Variants in EIF2AK1 observed in about 807,000 individuals in gnomAD.
The protein encoded by EIF2AK1 is eukaryotic translation initiation factor 2-alpha kinase 1.
A neutral mutation model predicts 77.9 loss-of-function variants in EIF2AK1; 54 were observed. That is an observed-to-expected ratio of 0.69 (90% CI 0.56 to 0.87). The LOEUF is 0.87. Ranked by LOEUF, EIF2AK1 falls within the 40% of genes least tolerant of loss-of-function variation. The probability of loss-of-function intolerance (pLI) is 0.00; values close to 1 mark genes in which losing one functional copy is unlikely to be tolerated. For synonymous variants in EIF2AK1, 314 were observed against 290.5 expected, an observed-to-expected ratio of 1.08 and a Z score of -0.82; for missense variants, 810 against 768.6, an observed-to-expected ratio of 1.05 and a Z score of -0.64.
chr7:6,034,436 C>A (rs779175711), intron 11 of EIF2AK1, among the ~76,000 whole-genome samples: 4 of 152,118 alleles, frequency 2.6e-5, no homozygotes, highest in Non-Finnish European at 5.9e-5. Flanking sequence ...TCTGGAAGTC[C>A]CTTCCACATC....
chr7:6,036,327 C>A lies in EIF2AK1; in HGVS notation c.1332+1097G>T. 6 of 1,540,136 alleles carry A rather than the reference C, an allele frequency of 3.9e-6. No homozygotes were observed. The highest frequency in any genetic ancestry group is 5.2e-6 in the Non-Finnish European group (6 of 1,143,500). On this transcript the variant is annotated intron_variant, in intron 11 of 14. Transcript: ENST00000199389. The surrounding 1 kb of genome is among the most constrained non-coding windows in gnomAD (Gnocchi z 4.6). Reference sequence around the variant, plus strand: ...ATACAAACAGCACTTGAAGCAATTCCTCCCAGTGACAATATGGAATTCTGT... The same window carrying A: ...ATACAAACAGCACTTGAAGCAATTCATCCCAGTGACAATATGGAATTCTGT...
chr7:6,047,284 G>C (rs575016232), intron 4 of EIF2AK1, 193 bp from the exon 5 acceptor site: 7 of 696,796 alleles, frequency 1.0e-5, no homozygotes, highest in Non-Finnish European at 1.9e-5. Context: ...TACCAGTAAC[G>C]GGTATTCCAA....
In EIF2AK1 at chr7:6,035,708, T is replaced by C. The variant is rs1182834722; in HGVS notation, c.1332+1716A>G. 1.1e-5 allele frequency: 17 copies of C among 1,550,872 alleles called. No homozygotes were observed. The highest frequency in any genetic ancestry group is 7.3e-5 in the East Asian group (3 of 40,928). On this transcript the variant is annotated intron_variant, in intron 11 of 14. Coordinates refer to ENST00000199389, the MANE Select transcript of EIF2AK1 (RefSeq NM_014413.4). This position sits in a 1 kb window ranked among gnomAD's most constrained non-coding sequence, Gnocchi z 5.5. ...CCATTTTGACCCAAAATGGTGCCGA[T>C]GTCAATGCTATTAATGAAGCCAGCA...
In EIF2AK1 at chr7:6,027,985, C is replaced by T. The variant is rs1396314344; in HGVS notation, c.1530+630G>A. 3 of 453,172 alleles carry T rather than the reference C, an allele frequency of 6.6e-6. No individual in the cohort carries two copies. The highest frequency in any genetic ancestry group is 1.3e-5 in the Non-Finnish European group (3 of 225,664). The allele number at this position is 453,172 out of a possible 1,614,324, so 28.1% of individuals were successfully genotyped here. A position where few individuals can be genotyped will look rare whatever the true frequency, so the allele number is the denominator to read the frequency against. ...GGCTGAGGTGGGAGGATCACTTGAG[C>T]CCAGGAGTTGGAGGCTGCCATGAGC... is the stretch of plus-strand genomic sequence containing the variant. On this transcript the variant is annotated intron_variant, in intron 13 of 14. Transcript: ENST00000199389. The surrounding 1 kb of genome is among the most constrained non-coding windows in gnomAD (Gnocchi z 4.5).
chr7:6,037,596 T>TATTTAGAATGA, intron 10 of EIF2AK1, 72 bp from the exon 11 acceptor site: 1 of 875,976 alleles, frequency 1.1e-6, no homozygotes, highest in Non-Finnish European at 1.9e-6. Flanking sequence ...AATATTAATG[T>TATTTAGAATGA]CATTCTAAAT....
chr7:6,055,923 A>T (rs519611), intron 1 of EIF2AK1, among the ~76,000 whole-genome samples: 1 of 144,936 alleles, frequency 6.9e-6, no homozygotes, highest in Non-Finnish European at 1.5e-5. Context: ...GCAGAGGTTG[A>T]GATGAGCTGA....
intron 11 of EIF2AK1, among the ~76,000 whole-genome samples, chr7:6,030,816 A>G (rs935344970): frequency 6.6e-6 from 1 of 152,120 alleles, no homozygotes; most frequent in Admixed American, 6.5e-5. Flanking sequence ...ATTTTTTAAA[A>G]GCTCCCAGAT....
At chr7:6,031,694 G>T in intron 11 of EIF2AK1, 14 of 1,125,314 alleles carry the variant, frequency 1.2e-5, no homozygotes, top group East Asian at 2.7e-5. Context: ...GCCCTTATGA[G>T]AATGAGACAC....
At chr7:6,052,127 G>A (rs1442602468) in intron 2 of EIF2AK1, among the ~76,000 whole-genome samples, 6 of 140,544 alleles carry the variant, frequency 4.3e-5, no homozygotes, top group Admixed American at 7.7e-5. Context: ...AGCCGAGATC[G>A]CACTACCGCA....
At chr7:6,025,675 G>A (rs146238792) in intron 14 of EIF2AK1, among the ~76,000 whole-genome samples, 110 of 152,186 alleles carry the variant, frequency 7.2e-4, no homozygotes, top group African/African-American at 2.5e-3. Flanking sequence ...TCGCTCTTTC[G>A]CCGAGGCTGG....
rs918697317 is a variant in EIF2AK1 at position 6,033,386 on chromosome 7, A to G, written c.1332+4038T>C. ...TTCTTATGAATGAACCAATGTCTTT[A>G]CTGAGTAGATGAGATACTCTGAAAA... On this transcript the variant is annotated intron_variant, in intron 11 of 14. Transcript: ENST00000199389. This position sits in a 1 kb window ranked among gnomAD's most constrained non-coding sequence, Gnocchi z 4.4. 3.9e-5 allele frequency among the ~76,000 whole-genome samples: 6 copies of G among 152,106 alleles called. No homozygotes were observed. The highest frequency in any genetic ancestry group is 1.4e-4 in the African/African-American group (6 of 41,408).
chr7:6,045,733 T>TTATATATACATA (rs1554321640), intron 6 of EIF2AK1, among the ~76,000 whole-genome samples: 1 of 138,024 alleles, frequency 7.2e-6, no homozygotes, highest in East Asian at 2.7e-4. Flanking sequence ...ATTTTAAAAA[T>TTATATATACATA]TATATATATA....
chr7:6,029,660 G>A (rs1298185737), intron 11 of EIF2AK1, among the ~76,000 whole-genome samples: 3 of 152,068 alleles, frequency 2.0e-5, no homozygotes. Flanking sequence ...AACCCTTACT[G>A]CACATCATTA....
chr7:6,037,021 A>G (rs1788119169), intron 11 of EIF2AK1, among the ~76,000 whole-genome samples: 1 of 152,092 alleles, frequency 6.6e-6, no homozygotes, highest in African/African-American at 2.4e-5. Context: ...TGAGCCCAGG[A>G]GTTCAAGATC....
chr7:6,051,100 A>C, intron 2 of EIF2AK1, among the ~76,000 whole-genome samples: 2 of 152,178 alleles, frequency 1.3e-5, no homozygotes. Flanking sequence ...AACTTACAAC[A>C]AAAGTGACCA....
At chr7:6,058,815 C>A (rs575536365) in intron 1 of EIF2AK1, 151 bp downstream of exon 1, 19 of 585,700 alleles carry the variant, frequency 3.2e-5, no homozygotes, top group East Asian at 1.4e-4. Context: ...CCGCCGCCCC[C>A]CCTCGCACTG....
At chr7:6,026,381 C>A (rs1201735501) in intron 14 of EIF2AK1, 1 of 499,410 alleles carries the variant, frequency 2.0e-6, no homozygotes, top group Non-Finnish European at 4.0e-6. Flanking sequence ...CTGCGGGCCC[C>A]TCCGGCCTTT....
At chr7:6,049,712 G>T (rs1788551546) in intron 3 of EIF2AK1, 200 bp downstream of exon 3, 3 of 449,310 alleles carry the variant, frequency 6.7e-6, no homozygotes, top group African/African-American at 2.1e-5. Flanking sequence ...CTGCAGCCTT[G>T]AACTCCTGGC....
In EIF2AK1 at chr7:6,032,731, C is replaced by A; in HGVS notation, c.1333-3699G>T. The stretch of plus-strand genomic sequence containing the variant: ...ATGCACATACCAGAAAAAGAGTGAG[C>A]CAATGAGACACTAAATAAATGTATT... On this transcript the variant is annotated intron_variant, in intron 11 of 14. Coordinates refer to ENST00000199389, the MANE Select transcript of EIF2AK1 (RefSeq NM_014413.4). This position sits in a 1 kb window ranked among gnomAD's most constrained non-coding sequence, Gnocchi z 4.3. The A allele has an allele frequency of 1.2e-6, 1 of 829,332 alleles. No individual in the cohort carries two copies. Among genetic ancestry groups the A allele is most frequent in the African/African-American group, 1.7e-5 (1 of 58,094 alleles). 51.4% of individuals were successfully genotyped at this position (829,332 alleles called of 1,614,324 possible). A position where few individuals can be genotyped will look rare whatever the true frequency, so the allele number is the denominator to read the frequency against.
Sources: allele counts gnomAD v4.1 joint callset (sites outside exome capture counted in the v4.1 genomes callset), GRCh38; gene constraint gnomAD v4.1.1; non-coding constraint Gnocchi (gnomAD v3.1); transcripts MANE v1.5; gene names NCBI Gene and HGNC (gene_info 2026-07-23, HGNC 2026-07-21).